Variants in MAPK8 observed in about 807,000 individuals in gnomAD.
MAPK8 encodes the protein mitogen-activated protein kinase 8, also known as JUN N-terminal kinase.
A neutral mutation model predicts 52.9 loss-of-function variants in MAPK8; 13 were observed. The ratio of observed to expected loss-of-function variants is 0.25; its 90% CI spans 0.16 to 0.39. The LOEUF is 0.39. MAPK8 is among the 10% of genes least tolerant of loss of function. MAPK8 has a pLI of 1.00. For missense variants in MAPK8, 300 were observed against 519.2 expected, an observed-to-expected ratio of 0.58 and a Z score of 4.10; for synonymous variants, 191 against 169.8, an observed-to-expected ratio of 1.12 and a Z score of -0.97.
intron 1 of MAPK8, among the ~76,000 whole-genome samples, chr10:48,336,292 A>C (rs1844679370): frequency 6.6e-6 from 1 of 152,210 alleles, no homozygotes; most frequent in African/African-American, 2.4e-5. Flanking sequence ...ATGTAGATGA[A>C]ATGGAACACT....
At chr10:48,403,276 G>A (rs1414005304) in intron 2 of MAPK8, among the ~76,000 whole-genome samples, 3 of 152,118 alleles carry the variant, frequency 2.0e-5, no homozygotes, top group African/African-American at 7.2e-5. Context: ...TGGCCAACAT[G>A]GTGAAACCCT....
chr10:48,363,026 G>A (rs985931424), intron 1 of MAPK8, among the ~76,000 whole-genome samples: 5 of 152,010 alleles, frequency 3.3e-5, no homozygotes, highest in African/African-American at 9.7e-5. Flanking sequence ...GGCGTGAACC[G>A]CCACACCTAG....
At position 48,398,591 on chromosome 10, in the gene MAPK8, G is replaced by T. The variant is rs113131617; in HGVS notation, c.-49-3021G>T. Among the ~76,000 whole-genome samples, 9 of 152,234 alleles carry T rather than the reference G, an allele frequency of 5.9e-5. No individual in the cohort carries two copies. In the South Asian group the frequency reaches 1.9e-3, roughly 32 times the overall value. On this transcript the variant is annotated intron_variant, in intron 1 of 11. Coordinates refer to ENST00000374189, the MANE Select transcript of MAPK8 (RefSeq NM_001323329.2). ...TTCCACTCCTAGATAATTAAACGAAGATGAATGAAGAAAAAGTGAAATTCA... is the reference window on the plus strand; with the variant it reads ...TTCCACTCCTAGATAATTAAACGAATATGAATGAAGAAAAAGTGAAATTCA...
intron 1 of MAPK8, among the ~76,000 whole-genome samples, chr10:48,319,604 C>G (rs1842803068): frequency 6.6e-6 from 1 of 152,090 alleles, no homozygotes; most frequent in Non-Finnish European, 1.5e-5. Context: ...ATTCTCCTGC[C>G]TCAGCCTCCC....
intron 1 of MAPK8, among the ~76,000 whole-genome samples, chr10:48,322,543 C>G (rs1019195429): frequency 6.6e-6 from 1 of 152,050 alleles, no homozygotes. Flanking sequence ...CCGGAGTCTA[C>G]GAAGGCTGGT....
At chr10:48,431,354 C>A in intron 11 of MAPK8, 84 bp downstream of exon 11, 1 of 848,974 alleles carries the variant, frequency 1.2e-6, no homozygotes, top group Non-Finnish European at 1.9e-6. Context: ...GCAGTTCTTC[C>A]CATATTTACA....
At chr10:48,426,148 A>G in intron 8 of MAPK8, 78 bp downstream of exon 8, 7 of 1,255,844 alleles carry the variant, frequency 5.6e-6, no homozygotes, top group Non-Finnish European at 7.6e-6. Flanking sequence ...GTTTATATGT[A>G]TTCATATTCT....
chr10:48,315,240 C>CT (rs1375820923), intron 1 of MAPK8, among the ~76,000 whole-genome samples: 1 of 152,162 alleles, frequency 6.6e-6, no homozygotes, highest in Non-Finnish European at 1.5e-5. Context: ...GTTGGAATCA[C>CT]TTTTTTTATT....
intron 10 of MAPK8, among the ~76,000 whole-genome samples, chr10:48,428,241 T>G (rs2043835265): frequency 6.6e-6 from 1 of 152,246 alleles, no homozygotes; most frequent in Admixed American, 6.5e-5. Flanking sequence ...CAAATATTTC[T>G]TCAAAAGGTG....
intron 10 of MAPK8, 102 bp from the exon 11 acceptor site, chr10:48,431,091 G>A: frequency 2.8e-6 from 2 of 716,360 alleles, no homozygotes; most frequent in Non-Finnish European, 5.0e-6. Context: ...GACACTGTTT[G>A]AAGTACTTCA....
intron 1 of MAPK8, among the ~76,000 whole-genome samples, chr10:48,351,510 C>A (rs1400703738): frequency 6.6e-6 from 1 of 151,924 alleles, no homozygotes; most frequent in East Asian, 1.9e-4. Flanking sequence ...GCACCTCGCC[C>A]TGACACAAAT....
chr10:48,366,273 A>G (rs1444349561), intron 1 of MAPK8, among the ~76,000 whole-genome samples: 4 of 152,146 alleles, frequency 2.6e-5, no homozygotes, highest in Non-Finnish European at 5.9e-5. Context: ...AAAAACCCCT[A>G]AGAACCTTTA....
chr10:48,388,513 A>C (rs1171534180), intron 1 of MAPK8, among the ~76,000 whole-genome samples: 1 of 151,738 alleles, frequency 6.6e-6, no homozygotes, highest in East Asian at 1.9e-4. Context: ...CAATGTAAAA[A>C]CCCCTTTAAG....
chr10:48,367,621 CTTATG>C (rs1255751194), intron 1 of MAPK8, among the ~76,000 whole-genome samples: 1 of 152,026 alleles, frequency 6.6e-6, no homozygotes, highest in Non-Finnish European at 1.5e-5. Context: ...AGTTTCTTCA[CTTATG>C]TTGAGTTGCT....
intron 1 of MAPK8, among the ~76,000 whole-genome samples, chr10:48,392,298 A>G (rs1445757599): frequency 6.6e-6 from 1 of 152,130 alleles, no homozygotes; most frequent in African/African-American, 2.4e-5. Context: ...GAGGATGGGA[A>G]AATCAGAGAG....
intron 1 of MAPK8, among the ~76,000 whole-genome samples, chr10:48,342,254 C>G (rs924491571): frequency 1.3e-5 from 2 of 152,118 alleles, no homozygotes; most frequent in African/African-American, 4.8e-5. Context: ...CAGGCACACA[C>G]CACCTCGCCC....
In MAPK8 at chr10:48,352,034, A is replaced by G. The variant is rs148266738; in HGVS notation, c.-50+45213A>G. Among the ~76,000 whole-genome samples the G allele has an allele frequency of 7.6e-4, 115 of 152,310 alleles. 2 individuals carry two copies. The East Asian group carries it at 0.021, about 28-fold the overall frequency. On this transcript the variant is annotated intron_variant, in intron 1 of 11. Coordinates refer to ENST00000374189, the MANE Select transcript of MAPK8 (RefSeq NM_001323329.2). The stretch of plus-strand genomic sequence containing the variant: ...TATTTTTAAAAATCTACAGAAATAA[A>G]TTTGACAACTTTGATGAAATAAACT...
intron 5 of MAPK8, 125 bp downstream of exon 5, chr10:48,410,293 A>T: frequency 1.4e-6 from 1 of 694,394 alleles, no homozygotes; most frequent in South Asian, 5.1e-5. Context: ...TACCACCCAT[A>T]TTAAATTCTA....
intron 1 of MAPK8, among the ~76,000 whole-genome samples, chr10:48,360,510 T>C (rs1455536929): frequency 6.6e-6 from 1 of 152,156 alleles, no homozygotes; most frequent in Non-Finnish European, 1.5e-5. Flanking sequence ...TCTACAAGAA[T>C]GTTCATAGCA....
Sources: allele counts gnomAD v4.1 joint callset (sites outside exome capture counted in the v4.1 genomes callset), GRCh38; gene constraint gnomAD v4.1.1; transcripts MANE v1.5; gene names NCBI Gene and HGNC (gene_info 2026-07-23, HGNC 2026-07-21).